The following TXNRD1 variants were observed in gnomAD, a reference collection of about 807,000 sequenced individuals.
The protein encoded by TXNRD1 is thioredoxin reductase 1, also known as thioredoxin reductase 1, cytoplasmic.
TXNRD1 carries 57 observed loss-of-function variants against 80.3 expected under a neutral mutation model. The ratio of observed to expected loss-of-function variants is 0.71; its 90% CI spans 0.57 to 0.89. The LOEUF is 0.89. Ranked by LOEUF, TXNRD1 falls within the 40% of genes least tolerant of loss-of-function variation. TXNRD1 has a pLI of 0.00. For synonymous variants in TXNRD1, 291 were observed against 285.2 expected (o/e 1.02, Z -0.20); for missense variants, 730 against 803.0 (o/e 0.91, Z 1.10).
At chr12:104,306,502 T>G (rs1050882431) in intron 4 of TXNRD1, among the ~76,000 whole-genome samples, 1 of 152,188 alleles carries the variant, frequency 6.6e-6, no homozygotes, top group African/African-American at 2.4e-5. Flanking sequence ...GTATCTGTTA[T>G]GCATAGCAGT....
intron 3 of TXNRD1, among the ~76,000 whole-genome samples, chr12:104,262,789 C>CT (rs955665348): frequency 8.0e-5 from 11 of 137,414 alleles, no homozygotes; most frequent in Non-Finnish European, 1.3e-4. Flanking sequence ...TTTTTTTTTT[C>CT]TTTTTTTTCC....
At chr12:104,325,625 G>A (rs2035731930) in intron 11 of TXNRD1, among the ~76,000 whole-genome samples, 196 bp downstream of exon 11, 1 of 152,146 alleles carries the variant, frequency 6.6e-6, no homozygotes. Flanking sequence ...TGTAATCCCA[G>A]CACTTTGGGA....
Position 104,307,537 on chromosome 12 carries a change from C to T in TXNRD1, c.415-3753C>T, listed in dbSNP as rs1322075600. 3.9e-5 allele frequency among the ~76,000 whole-genome samples: 6 copies of T among 152,274 alleles called. No homozygotes were observed. The South Asian group carries it at 6.2e-4, about 16-fold the overall frequency. On this transcript the variant is annotated intron_variant, in intron 4 of 16. Coordinates refer to ENST00000525566, the MANE Select transcript of TXNRD1 (RefSeq NM_001093771.3). ...GATGAGGTCAGGAACCTGTTAGCTTCGTTAAGGATTAGGTGATTGGTCGAA... is the reference window on the plus strand; with the variant it reads ...GATGAGGTCAGGAACCTGTTAGCTTTGTTAAGGATTAGGTGATTGGTCGAA...
At chr12:104,329,373 G>A (rs149552663) in intron 13 of TXNRD1, among the ~76,000 whole-genome samples, 46 of 152,038 alleles carry the variant, frequency 3.0e-4, no homozygotes, top group Middle Eastern at 3.4e-3. Context: ...GGGTACAGCT[G>A]GGCACAGTGG....
At chr12:104,216,234 G>A (rs539450166) in intron 1 of TXNRD1, among the ~76,000 whole-genome samples, 1 of 152,356 alleles carries the variant, frequency 6.6e-6, no homozygotes, top group South Asian at 2.1e-4. Flanking sequence ...GGCCCGTTAG[G>A]GCGTCCTCTT....
intron 4 of TXNRD1, among the ~76,000 whole-genome samples, chr12:104,310,745 C>T (rs1365362782): frequency 1.3e-5 from 2 of 152,090 alleles, no homozygotes; most frequent in African/African-American, 4.8e-5. Flanking sequence ...AAGGAATGAG[C>T]TTTGCAGAGT....
At chr12:104,320,599 CA>C (rs1402187694) in intron 9 of TXNRD1, among the ~76,000 whole-genome samples, 1 of 151,964 alleles carries the variant, frequency 6.6e-6, no homozygotes, top group Non-Finnish European at 1.5e-5. Flanking sequence ...AGACTTTTGT[CA>C]GGTTCTACTC....
At chr12:104,299,230 C>T (rs2034533583) in intron 4 of TXNRD1, among the ~76,000 whole-genome samples, 2 of 152,154 alleles carry the variant, frequency 1.3e-5, no homozygotes, top group East Asian at 1.9e-4. Context: ...CAGTAGTATT[C>T]CCGTCTTATA....
chr12:104,323,574 G>C (rs1309727132), intron 10 of TXNRD1, among the ~76,000 whole-genome samples: 1 of 105,532 alleles, frequency 9.5e-6, no homozygotes, highest in Admixed American at 8.6e-5. Context: ...CTGGCCGGGC[G>C]GGGGGCTGAC....
At position 104,348,771 on chromosome 12, in the gene TXNRD1, G is replaced by C. The variant is rs1055266864; in HGVS notation, c.*350G>C. 8.7e-6 allele frequency: 2 copies of C among 229,012 alleles called. No homozygotes were observed. Among genetic ancestry groups the C allele is most frequent in the Non-Finnish European group, 8.5e-6 (1 of 116,994 alleles). 14.2% of individuals were successfully genotyped at this position (229,012 alleles called of 1,614,324 possible). On this transcript the variant is annotated 3_prime_UTR_variant, in exon 17 of 17. Transcript: ENST00000525566. ...TGGATTTTCTTATTCTCGTTGTCAAGTTTTCTAGGGTTGAATTTTTTTCTT... is the reference window on the plus strand; with the variant it reads ...TGGATTTTCTTATTCTCGTTGTCAACTTTTCTAGGGTTGAATTTTTTTCTT...
At chr12:104,346,815 C>A (rs2036505943) in intron 16 of TXNRD1, among the ~76,000 whole-genome samples, 1 of 152,164 alleles carries the variant, frequency 6.6e-6, no homozygotes, top group African/African-American at 2.4e-5. Context: ...TAACTATTGG[C>A]CAGGCACAGT....
At chr12:104,279,510 G>C (rs2033831150) in intron 3 of TXNRD1, among the ~76,000 whole-genome samples, 1 of 152,140 alleles carries the variant, frequency 6.6e-6, no homozygotes, top group Non-Finnish European at 1.5e-5. Flanking sequence ...TGAGATGAAG[G>C]GGTGGAAGGA....
rs539105473 is a variant in TXNRD1, at chr12:104,319,008, G to A, written c.826G>A (p.Val276Ile). 64 of 1,613,836 alleles carry A rather than the reference G, an allele frequency of 4.0e-5. No individual in the cohort carries two copies. The highest frequency in any genetic ancestry group is 8.8e-5 in the South Asian group (8 of 91,068). ...AGTAGCTCTGCGGGAGAAAAAAGTC[G>A]TCTATGAGAATGCTTATGGGCAATT... Reference protein sequence around the residue: ...YRVALREKKVVYENAYGQFIG... With the variant: ...YRVALREKKVIYENAYGQFIG... The change falls in exon 8 of 17, where the codon GTC (valine) becomes ATC (isoleucine). Residue 276 changes from valine to isoleucine, a missense_variant. By Grantham distance (29) the Val-to-Ile change is conservative. Transcript: ENST00000525566.
chr12:104,321,462 C>T, intron 10 of TXNRD1, 146 bp downstream of exon 10: 1 of 635,194 alleles, frequency 1.6e-6, no homozygotes, highest in Non-Finnish European at 2.8e-6. Flanking sequence ...GGTATATAAA[C>T]TTGTACCTCC....
At chr12:104,289,562 A>T (rs1384849442) in intron 4 of TXNRD1, 1 of 152,960 alleles carries the variant, frequency 6.5e-6, no homozygotes, top group Non-Finnish European at 1.5e-5. Flanking sequence ...TTTAGCCCAG[A>T]GTTAATAGTT....
At chr12:104,290,906 T>A (rs1480977442) in intron 4 of TXNRD1, 4 of 559,744 alleles carry the variant, frequency 7.1e-6, no homozygotes, top group Non-Finnish European at 1.2e-5. Context: ...TCACTCTTTT[T>A]ATAAGCTTTG....
At chr12:104,339,072 A>T in intron 15 of TXNRD1, 67 bp from the exon 16 acceptor site, 3 of 1,588,056 alleles carry the variant, frequency 1.9e-6, no homozygotes, top group Non-Finnish European at 2.6e-6. Context: ...AAATGCTCTA[A>T]GCTGTGTAGG....
At chr12:104,321,894 C>CA (rs929823743) in intron 10 of TXNRD1, among the ~76,000 whole-genome samples, 13 of 152,020 alleles carry the variant, frequency 8.6e-5, no homozygotes, top group Non-Finnish European at 1.8e-4. Flanking sequence ...ATATGAGTGA[C>CA]AAAATTGAAC....
intron 2 of TXNRD1, among the ~76,000 whole-genome samples, chr12:104,252,691 T>TATATATATATATA (rs34752671): frequency 4.1e-4 from 13 of 31,466 alleles, no homozygotes; most frequent in African/African-American, 7.9e-4. Flanking sequence ...TATATATATA[T>TATATATATATATA]TTTTTTTTTT....
Sources: gnomAD v4.1 joint callset for allele counts (sites outside exome capture counted in the v4.1 genomes callset) on GRCh38, gnomAD v4.1.1 for gene constraint, MANE v1.5 for transcripts, NCBI Gene and HGNC (gene_info 2026-07-23, HGNC 2026-07-21) for gene names.